FBXL7: variants seen among roughly 807,000 people sequenced by gnomAD.
FBXL7 encodes the protein F-box and leucine rich repeat protein 7.
FBXL7 carries 12 observed loss-of-function variants against 38.3 expected under a neutral mutation model. That is an observed-to-expected ratio of 0.31 (90% confidence interval 0.20 to 0.51). The LOEUF is 0.51. Ranked by LOEUF, FBXL7 falls within the 20% of genes least tolerant of loss-of-function variation. The probability of loss-of-function intolerance (pLI) is 0.98; values close to 1 mark genes in which losing one functional copy is unlikely to be tolerated. For synonymous variants in FBXL7, 297 were observed against 300.9 expected, an observed-to-expected ratio of 0.99 and a Z score of 0.13; for missense variants, 567 against 676.4, an observed-to-expected ratio of 0.84 and a Z score of 1.79.
intron 1 of FBXL7, among the ~76,000 whole-genome samples, chr5:15,506,640 G>A (rs1179433963): frequency 6.6e-6 from 1 of 152,052 alleles, no homozygotes; most frequent in African/African-American, 2.4e-5. Flanking sequence ...AGCACAGACA[G>A]GTTCTGGTGA....
Position 15,681,101 on chromosome 5 carries a change from C to T in FBXL7, c.127+65029C>T, listed in dbSNP as rs539361618. Among the ~76,000 whole-genome samples the T allele has an allele frequency of 2.6e-5, 4 of 152,244 alleles. No homozygotes were observed. In the South Asian group the frequency reaches 8.3e-4, roughly 32 times the overall value. On this transcript the variant is annotated intron_variant, in intron 2 of 3. Coordinates refer to ENST00000504595, the MANE Select transcript of FBXL7 (RefSeq NM_012304.5). The stretch of plus-strand genomic sequence containing the variant: ...AGAAATATACAGATCATGTGTAGAA[C>T]ATGACAGATCTGGTAGGTATATAAA...
rs74625079 is a variant in FBXL7, at chr5:15,659,716, G to A, written c.127+43644G>A. 2.1e-3 allele frequency among the ~76,000 whole-genome samples: 316 copies of A among 152,222 alleles called. 2 individuals are homozygous for A. The East Asian group carries it at 0.041, about 20-fold the overall frequency. The stretch of plus-strand genomic sequence containing the variant: ...ATAATGCCCACGGTTGAATTCTAAA[G>A]CACTGTTAAAATAGGGCTGTCTGTA... On this transcript the variant is annotated intron_variant, in intron 2 of 3. Coordinates refer to ENST00000504595, the MANE Select transcript of FBXL7 (RefSeq NM_012304.5).
chr5:15,625,277 T>C (rs1239671115), intron 2 of FBXL7, among the ~76,000 whole-genome samples: 2 of 152,164 alleles, frequency 1.3e-5, no homozygotes, highest in Non-Finnish European at 2.9e-5. Context: ...AATTAATATT[T>C]AAGTTAGTCA....
At chr5:15,914,719 C>G (rs1259229869) in intron 2 of FBXL7, among the ~76,000 whole-genome samples, 3 of 152,184 alleles carry the variant, frequency 2.0e-5, no homozygotes, top group Admixed American at 2.0e-4. Context: ...ATATTTCCAA[C>G]TGCAACCAAA....
At chr5:15,549,092 G>A (rs1272746295) in intron 1 of FBXL7, among the ~76,000 whole-genome samples, 2 of 152,194 alleles carry the variant, frequency 1.3e-5, no homozygotes, top group Admixed American at 6.5e-5. Context: ...GAACCAAAAA[G>A]GGGAGGCAGG....
intron 1 of FBXL7, among the ~76,000 whole-genome samples, chr5:15,531,568 G>A (rs922463770): frequency 2.3e-4 from 35 of 152,318 alleles, no homozygotes; most frequent in South Asian, 8.3e-4. Context: ...CATGGGAGCA[G>A]GCTGACTCTG....
intron 2 of FBXL7, among the ~76,000 whole-genome samples, chr5:15,711,617 T>C (rs1419709510): frequency 6.6e-6 from 1 of 152,194 alleles, no homozygotes; most frequent in Non-Finnish European, 1.5e-5. Context: ...TGTTGAAAGC[T>C]AATAGCTGGC....
chr5:15,726,981 T>A (rs1343153812), intron 2 of FBXL7, among the ~76,000 whole-genome samples: 1 of 152,158 alleles, frequency 6.6e-6, no homozygotes, highest in Non-Finnish European at 1.5e-5. Context: ...TCATATCCTT[T>A]TGTTGTGTAT....
chr5:15,626,486 A>G (rs1433293416), intron 2 of FBXL7, among the ~76,000 whole-genome samples: 1 of 152,092 alleles, frequency 6.6e-6, no homozygotes, highest in African/African-American at 2.4e-5. Flanking sequence ...ATCTTCCAAA[A>G]TGCATCATCC....
intron 2 of FBXL7, among the ~76,000 whole-genome samples, chr5:15,647,018 A>G (rs1300749192): frequency 6.6e-6 from 1 of 152,228 alleles, no homozygotes; most frequent in Non-Finnish European, 1.5e-5. Flanking sequence ...CATCAGCTAA[A>G]GTTCTCTGAT....
chr5:15,802,932 C>T (rs1737610497), intron 2 of FBXL7, among the ~76,000 whole-genome samples: 1 of 152,134 alleles, frequency 6.6e-6, no homozygotes, highest in Non-Finnish European at 1.5e-5. Flanking sequence ...GGATTATAGG[C>T]GTGAGCCACG....
chr5:15,813,754 A>G (rs753033996), intron 2 of FBXL7, among the ~76,000 whole-genome samples: 6 of 152,214 alleles, frequency 3.9e-5, no homozygotes, highest in Non-Finnish European at 7.3e-5. Flanking sequence ...AACCCCATCA[A>G]TAAGTGGGTG....
At chr5:15,705,529 A>G (rs1743656517) in intron 2 of FBXL7, among the ~76,000 whole-genome samples, 1 of 152,190 alleles carries the variant, frequency 6.6e-6, no homozygotes, top group Non-Finnish European at 1.5e-5. Flanking sequence ...AATATTGAAG[A>G]GCAGTAACAG....
At chr5:15,814,960 C>A (rs147495488) in intron 2 of FBXL7, among the ~76,000 whole-genome samples, 2 of 152,148 alleles carry the variant, frequency 1.3e-5, no homozygotes, top group East Asian at 3.9e-4. Flanking sequence ...TCTCCCTGAT[C>A]CTAAGCAGCC....
intron 2 of FBXL7, among the ~76,000 whole-genome samples, chr5:15,752,301 G>T (rs1005230659): frequency 2.8e-5 from 4 of 142,356 alleles, no homozygotes; most frequent in African/African-American, 1.0e-4. Flanking sequence ...GCAGGGAAGG[G>T]GTTAGAGGCT....
rs548179008 is a variant in FBXL7 at position 15,843,545 on chromosome 5, G to A, written c.128-84345G>A. Among the ~76,000 whole-genome samples the A allele has an allele frequency of 2.0e-5, 3 of 152,260 alleles. No individual in the cohort carries two copies. The East Asian group carries it at 5.8e-4, about 29-fold the overall frequency. On this transcript the variant is annotated intron_variant, in intron 2 of 3. Coordinates refer to ENST00000504595, the MANE Select transcript of FBXL7 (RefSeq NM_012304.5). ...GCATGAAGCCCCATAGTCTAAGAATGCAAAGAACAGTAGTGTTCAGAAGAC... is the reference window on the plus strand; with the variant it reads ...GCATGAAGCCCCATAGTCTAAGAATACAAAGAACAGTAGTGTTCAGAAGAC...
At chr5:15,636,949 A>G (rs1183638208) in intron 2 of FBXL7, among the ~76,000 whole-genome samples, 1 of 138,256 alleles carries the variant, frequency 7.2e-6, no homozygotes, top group Non-Finnish European at 1.6e-5. Flanking sequence ...AGGAGAAAGA[A>G]GCAGAAATTT....
chr5:15,881,243 C>T (rs1185231325), intron 2 of FBXL7, among the ~76,000 whole-genome samples: 1 of 152,116 alleles, frequency 6.6e-6, no homozygotes, highest in African/African-American at 2.4e-5. Flanking sequence ...ATCCTCATAG[C>T]TTAGCTCCCA....
At chr5:15,649,395 G>A (rs1415308246) in intron 2 of FBXL7, among the ~76,000 whole-genome samples, 2 of 152,166 alleles carry the variant, frequency 1.3e-5, no homozygotes, top group East Asian at 3.9e-4. Flanking sequence ...ACTGGTTCAA[G>A]TTATTAATGT....
Sources: gnomAD v4.1 joint callset for allele counts (sites outside exome capture counted in the v4.1 genomes callset) on GRCh38, gnomAD v4.1.1 for gene constraint, MANE v1.5 for transcripts, NCBI Gene and HGNC (gene_info 2026-07-23, HGNC 2026-07-21) for gene names.